Variants in ZNF99 observed in about 807,000 individuals in gnomAD.
ZNF99 encodes the protein zinc finger protein 99.
Under a neutral mutation model 12.8 loss-of-function variants are expected in ZNF99, and 8 were observed. That is an observed-to-expected ratio of 0.62 (90% confidence interval 0.37 to 1.13). The LOEUF is 1.13. ZNF99 is among the 50% of genes most tolerant of loss of function. The probability of loss-of-function intolerance (pLI) is 0.02; values close to 1 mark genes in which losing one functional copy is unlikely to be tolerated. For missense variants in ZNF99, 1,007 were observed against 1,006.2 expected, an observed-to-expected ratio of 1.00 and a Z score of -0.01; for synonymous variants, 318 against 319.0, an observed-to-expected ratio of 1.00 and a Z score of 0.03.
intron 3 of ZNF99, among the ~76,000 whole-genome samples, chr19:22,761,480 A>C (rs1353106621): frequency 6.6e-6 from 1 of 152,228 alleles, no homozygotes; most frequent in Non-Finnish European, 1.5e-5. Flanking sequence ...TGAAGCTCCC[A>C]AATTTATAAG....
chr19:22,768,614 G>A (rs1973230465), intron 2 of ZNF99, among the ~76,000 whole-genome samples: 1 of 152,084 alleles, frequency 6.6e-6, no homozygotes, highest in Non-Finnish European at 1.5e-5. Flanking sequence ...GTGGCAATGA[G>A]ATTTCAAGGT....
At chr19:22,774,726 T>TG (rs1973306908) in intron 1 of ZNF99, among the ~76,000 whole-genome samples, 1 of 152,032 alleles carries the variant, frequency 6.6e-6, no homozygotes, top group African/African-American at 2.4e-5. Flanking sequence ...AAAAATGAGC[T>TG]GGGCATGGTG....
chr19:22,763,904 C>CT (rs965211065), intron 3 of ZNF99, among the ~76,000 whole-genome samples: 17,612 of 101,400 alleles, frequency 0.17, 2,024 homozygotes, highest in African/African-American at 0.32. Context: ...TTTTTCTTTC[C>CT]TTTTTTTTTT....
chr19:22,778,963 T>C (rs1973357755), intron 1 of ZNF99, among the ~76,000 whole-genome samples: 1 of 150,896 alleles, frequency 6.6e-6, no homozygotes, highest in Non-Finnish European at 1.5e-5. Flanking sequence ...GCCAAGATTG[T>C]GCCATTGCAC....
chr19:22,759,338 G>A lies in ZNF99; in HGVS notation c.571C>T (p.His191Tyr), dbSNP rs752000501. ...TTCTCTCTAGTATGAATTCTCTTAT[G>A]TTGAATTAAGTGTGAAAGCATGAAA... ...SFFMLSHLIQ[H>Y]KRIHTRENIY... is the part of the protein sequence containing the mutation. The change falls in exon 4 of 4, where the codon CAT (histidine) becomes TAT (tyrosine). Residue 191 changes from histidine to tyrosine, a missense_variant. Coordinates refer to ENST00000596209, the MANE Select transcript of ZNF99 (RefSeq NM_001080409.3). The A allele has an allele frequency of 3.9e-6, 6 of 1,548,982 alleles. No homozygotes were observed. Among genetic ancestry groups the A allele is most frequent in the South Asian group, 1.2e-5 (1 of 83,990 alleles).
At chr19:22,776,784 A>ACCCT (rs1491538529) in intron 1 of ZNF99, among the ~76,000 whole-genome samples, 2 of 136,120 alleles carry the variant, frequency 1.5e-5, no homozygotes, top group African/African-American at 5.3e-5. Flanking sequence ...TGTTCACTGA[A>ACCCT]GCACTATTCA....
In ZNF99 at chr19:22,757,641, A is replaced by C. The variant is rs1257618819; in HGVS notation, c.2268T>G (p.Thr756=). The change falls in exon 4 of 4, where the codon ACT becomes ACG. Residue 756 remains threonine (T), a synonymous_variant. Coordinates refer to ENST00000596209, the MANE Select transcript of ZNF99 (RefSeq NM_001080409.3). The stretch of plus-strand genomic sequence containing the variant: ...CTTCACATTTGCAGGGTTTCTCTGC[A>C]GTATGAATTACCTTATGTACAGTAA... ...SKLTVHKVIH[T]AEKPCKCEEC... is the part of the protein sequence containing the mutation. 19 of 1,611,744 alleles carry C rather than the reference A, an allele frequency of 1.2e-5. No homozygotes were observed. Among genetic ancestry groups the C allele is most frequent in the Non-Finnish European group, 1.6e-5 (19 of 1,179,674 alleles).
intron 1 of ZNF99, among the ~76,000 whole-genome samples, chr19:22,778,600 T>A (rs1973354053): frequency 6.6e-6 from 1 of 152,156 alleles, no homozygotes; most frequent in Non-Finnish European, 1.5e-5. Flanking sequence ...ATTCAATAAT[T>A]TTATAGAGCT....
chr19:22,754,465 G>A lies in ZNF99; in HGVS notation c.*2849C>T, dbSNP rs1446981843. 2.5e-6 allele frequency: 1 copy of A among 404,388 alleles called. No homozygotes were observed. The highest frequency in any genetic ancestry group is 4.9e-6 in the Non-Finnish European group (1 of 205,898). The allele number at this position is 404,388 out of a possible 1,614,324, so 25.0% of individuals were successfully genotyped here. ...TAATAAGGGTTGAAATGTTTTTAAA[G>A]CTTTTGTCACATTCTTCATATTTAT... On this transcript the variant is annotated 3_prime_UTR_variant, in exon 4 of 4. Transcript: ENST00000596209.
chr19:22,759,420 A>G lies in ZNF99; in HGVS notation c.489T>C (p.Tyr163=), dbSNP rs748988226. 5 of 1,580,836 alleles carry G rather than the reference A, an allele frequency of 3.2e-6. No homozygotes were observed. The African/African-American group carries it at 5.4e-5, about 17-fold the overall frequency. The change falls in exon 4 of 4, where the codon TAT becomes TAC. Residue 163 remains tyrosine (Y), a synonymous_variant. Coordinates refer to ENST00000596209, the MANE Select transcript of ZNF99 (RefSeq NM_001080409.3). ...TTTTCTTTTTAGTGTGTCTAATCTT[A>G]TATCTATTTGAATTTGAATATTTAT... ...VFHKYSNSNR[Y]KIRHTKKKTF...
intron 3 of ZNF99, among the ~76,000 whole-genome samples, chr19:22,767,892 C>G (rs1332913027): frequency 6.6e-6 from 1 of 152,070 alleles, no homozygotes; most frequent in Non-Finnish European, 1.5e-5. Flanking sequence ...AGCTTATGAT[C>G]ATAGTGGAAA....
At chr19:22,769,485 C>T (rs370964200) in intron 1 of ZNF99, among the ~76,000 whole-genome samples, 161 bp from the exon 2 acceptor site, 4 of 151,922 alleles carry the variant, frequency 2.6e-5, no homozygotes, top group East Asian at 1.9e-4. Flanking sequence ...GAAATCGTCT[C>T]GGCTGGGCGC....
intron 1 of ZNF99, chr19:22,769,956 T>G (rs1462542531): frequency 1.5e-6 from 2 of 1,362,088 alleles, no homozygotes; most frequent in Non-Finnish European, 2.0e-6. Flanking sequence ...GAATAAGTCT[T>G]GTACATTTTT....
At position 22,756,001 on chromosome 19, in the gene ZNF99, G is replaced by A. The variant is rs140847944; in HGVS notation, c.*1313C>T. 1.5e-3 allele frequency: 1,104 copies of A among 732,040 alleles called. 16 individuals carry two copies. In the African/African-American group the frequency reaches 0.016, roughly 10 times the overall value. 45.3% of individuals were successfully genotyped at this position (732,040 alleles called of 1,614,324 possible). Reference sequence around the variant, plus strand: ...TATTTTATGTGTATTTAAGGTGTGAGGACTGGTTAAAGGCTTTGCCACATT... The same window carrying A: ...TATTTTATGTGTATTTAAGGTGTGAAGACTGGTTAAAGGCTTTGCCACATT... On this transcript the variant is annotated 3_prime_UTR_variant, in exon 4 of 4. Coordinates refer to ENST00000596209, the MANE Select transcript of ZNF99 (RefSeq NM_001080409.3).
At position 22,770,361 on chromosome 19, in the gene ZNF99, C is replaced by CTT. The variant is rs35661475; in HGVS notation, c.4-1039_4-1038dup. On this transcript the variant is annotated intron_variant, in intron 1 of 3. Coordinates refer to ENST00000596209, the MANE Select transcript of ZNF99 (RefSeq NM_001080409.3). ...TATACTGAAAAAACCTGTCAGACAG[C>CTT]TTTTTTTTTTTTTAGACAGAGTTTC... The CTT allele has an allele frequency of 7.4e-3, 1,077 of 145,874 alleles. 13 individuals are homozygous for CTT. The highest frequency in any genetic ancestry group is 0.024 in the African/African-American group (936 of 39,458). 9.0% of individuals were successfully genotyped at this position (145,874 alleles called of 1,614,324 possible).
Position 22,758,433 on chromosome 19 carries a change from C to A in ZNF99, c.1476G>T (p.Trp492Cys), listed in dbSNP as rs771921357. ...CCTTATGTACAGTAAGTTTTGAGGA[C>A]CACTTAAAAGCTTTACCACATTCTT... ...KCEECGKAFK[W>C]SSKLTVHKVI... Residue 492 changes from tryptophan to cysteine, a missense_variant, in exon 4 of 4, where the codon TGG becomes TGT. Physicochemically the swap from Trp to Cys is radical, Grantham distance 215. Coordinates refer to ENST00000596209, the MANE Select transcript of ZNF99 (RefSeq NM_001080409.3). 2.5e-6 allele frequency: 4 copies of A among 1,611,280 alleles called. No homozygotes were observed. Among genetic ancestry groups the A allele is most frequent in the Non-Finnish European group, 3.4e-6 (4 of 1,179,258 alleles).
chr19:22,761,711 C>G (rs1477693190), intron 3 of ZNF99, among the ~76,000 whole-genome samples: 1 of 152,126 alleles, frequency 6.6e-6, no homozygotes, highest in Non-Finnish European at 1.5e-5. Flanking sequence ...GTGCACGAAA[C>G]CTTCTCCAAA....
At chr19:22,776,224 G>A (rs1384972343) in intron 1 of ZNF99, among the ~76,000 whole-genome samples, 2 of 149,946 alleles carry the variant, frequency 1.3e-5, no homozygotes, top group African/African-American at 4.9e-5. Context: ...GGTGGCAGGC[G>A]CCTATAATTC....
intron 3 of ZNF99, among the ~76,000 whole-genome samples, chr19:22,760,452 T>C (rs1193713523): frequency 6.6e-6 from 1 of 152,076 alleles, no homozygotes; most frequent in Non-Finnish European, 1.5e-5. Flanking sequence ...TACTTTAAAA[T>C]GACAGCTTGA....
Sources: allele counts gnomAD v4.1 joint callset (sites outside exome capture counted in the v4.1 genomes callset), GRCh38; gene constraint gnomAD v4.1.1; transcripts MANE v1.5; gene names NCBI Gene and HGNC (gene_info 2026-07-23, HGNC 2026-07-21).